The following EIF4G3 variants were observed in gnomAD, a reference collection of about 807,000 sequenced individuals.
EIF4G3 encodes eukaryotic translation initiation factor 4 gamma 3, also known as eIF-4-gamma 3.
A neutral mutation model predicts 186.4 loss-of-function variants in EIF4G3; 34 were observed. The ratio of observed to expected loss-of-function variants is 0.18; its 90% confidence interval spans 0.14 to 0.24. The LOEUF (loss-of-function observed/expected upper bound fraction) is 0.24, where lower values mean the gene tolerates loss of function less well. EIF4G3 is among the 10% of genes least tolerant of loss of function. EIF4G3 has a pLI of 1.00. For synonymous variants in EIF4G3, 673 were observed against 679.5 expected (o/e 0.99, Z 0.15); for missense variants, 1,536 against 1,948.5 (o/e 0.79, Z 3.99).
chr1:20,874,152 C>A (rs886806561), intron 20 of EIF4G3, among the ~76,000 whole-genome samples: 1 of 152,082 alleles, frequency 6.6e-6, no homozygotes. Context: ...AATAAACACA[C>A]GTGTGCATGT....
chr1:21,138,334 G>C (rs2097282269), intron 2 of EIF4G3, among the ~76,000 whole-genome samples: 2 of 152,140 alleles, frequency 1.3e-5, no homozygotes, highest in South Asian at 2.1e-4. Context: ...ATAGGTACAT[G>C]AATCACAATG....
At chr1:21,087,023 A>C (rs10753512) in intron 3 of EIF4G3, among the ~76,000 whole-genome samples, 143,540 of 151,942 alleles carry the variant, frequency 0.94, 68,307 homozygotes, top group Middle Eastern at 1. Flanking sequence ...TGTATATGTA[A>C]CTCTTGAAAG....
Position 20,857,450 on chromosome 1 carries a change from T to C in EIF4G3, c.3292A>G (p.Lys1098Glu). Residue 1098 changes from lysine to glutamate, a missense_variant, in exon 25 of 37, where the codon AAG becomes GAG. Around this residue, in one of 11 missense-constraint regions of EIF4G3, gnomAD observed 110 missense variants for 166.2 expected, o/e 0.66. Transcript: ENST00000602326. ...GAGGGGTCCAGTACCCGACTGTTCT[T>C]GGCCCCTTGTACAGTGTTCCACCCA... The part of the protein sequence containing the change: ...EGGWNTVQGA[K>E]NSRVLDPSKF... The C allele has an allele frequency of 9.3e-6, 15 of 1,614,126 alleles. No individual in the cohort carries two copies. Among genetic ancestry groups the C allele is most frequent in the Non-Finnish European group, 1.3e-5 (15 of 1,180,028 alleles).
intron 24 of EIF4G3, 116 bp from the exon 25 acceptor site, chr1:20,857,613 T>C (rs543148716): frequency 6.9e-6 from 6 of 874,706 alleles, no homozygotes; most frequent in African/African-American, 1.7e-5. Context: ...TGTTAAAGCA[T>C]TGATGACAAT....
chr1:20,874,103 G>C (rs532044089), intron 20 of EIF4G3, among the ~76,000 whole-genome samples: 2 of 152,114 alleles, frequency 1.3e-5, no homozygotes, highest in Non-Finnish European at 2.9e-5. Context: ...ATGGGCATTT[G>C]GGTTGGTTTC....
intron 3 of EIF4G3, among the ~76,000 whole-genome samples, chr1:21,053,397 G>A (rs1280455969): frequency 6.7e-5 from 10 of 150,360 alleles, no homozygotes; most frequent in East Asian, 4.1e-4. Context: ...CCGGACAGCC[G>A]CCCCGTCTGG....
intron 33 of EIF4G3, among the ~76,000 whole-genome samples, chr1:20,821,712 T>C (rs1447050061): frequency 2.0e-5 from 3 of 151,872 alleles, no homozygotes; most frequent in Admixed American, 2.0e-4. Flanking sequence ...TTCCCTATTA[T>C]GTATACTTCC....
chr1:20,937,973 G>C (rs1157033325), intron 14 of EIF4G3, among the ~76,000 whole-genome samples: 1 of 151,774 alleles, frequency 6.6e-6, no homozygotes, highest in African/African-American at 2.4e-5. Context: ...TACAGAGCTT[G>C]TTCTTCAATC....
chr1:21,105,752 A>C (rs1365696746), intron 2 of EIF4G3, among the ~76,000 whole-genome samples: 8 of 152,186 alleles, frequency 5.3e-5, no homozygotes, highest in Admixed American at 5.2e-4. Flanking sequence ...TTTAGGTGGG[A>C]AACAGCTGTG....
chr1:20,991,623 G>A (rs925083072), intron 7 of EIF4G3, among the ~76,000 whole-genome samples: 1 of 151,408 alleles, frequency 6.6e-6, no homozygotes, highest in Admixed American at 6.6e-5. Context: ...CACATTTAAA[G>A]TGCTCTATAG....
At chr1:20,994,628 CTTTT>C (rs3081939) in intron 7 of EIF4G3, among the ~76,000 whole-genome samples, 1 of 124,462 alleles carries the variant, frequency 8.0e-6, no homozygotes, top group Non-Finnish European at 1.6e-5. Flanking sequence ...AACATATATA[CTTTT>C]TTTTTTTTTT....
At chr1:21,109,513 C>G (rs975501996) in intron 2 of EIF4G3, among the ~76,000 whole-genome samples, 2 of 151,968 alleles carry the variant, frequency 1.3e-5, no homozygotes, top group South Asian at 2.1e-4. Flanking sequence ...GAAACAACAA[C>G]AAGAAGAAAA....
At chr1:20,809,619 T>C (rs1217861293) in intron 36 of EIF4G3, among the ~76,000 whole-genome samples, 2 of 152,326 alleles carry the variant, frequency 1.3e-5, no homozygotes, top group African/African-American at 2.4e-5. Context: ...TTAGTAAATA[T>C]AGCATGGTAA....
chr1:20,829,108 T>C lies in EIF4G3; in HGVS notation c.4187+39A>G, dbSNP rs367717366. The C allele has an allele frequency of 3.1e-6, 5 of 1,607,706 alleles. No homozygotes were observed. In the African/African-American group the frequency reaches 6.7e-5, roughly 22 times the overall value. The stretch of plus-strand genomic sequence containing the variant: ...GCTAGCAAGTGAGTTATTAGTCAGT[T>C]CTACCTGATATATATCAAGAGAAAC... On this transcript the variant is annotated intron_variant, in intron 31 of 36. Transcript: ENST00000602326.
intron 2 of EIF4G3, among the ~76,000 whole-genome samples, chr1:21,118,933 A>T (rs1183438441): frequency 1.1e-4 from 1 of 9,164 alleles, no homozygotes; most frequent in Non-Finnish European, 1.0e-3. Flanking sequence ...AGCTCTATTA[A>T]AAAAAAAAAA....
Position 20,899,636 on chromosome 1 carries a change from A to T in EIF4G3, c.1999+61T>A. 7 of 1,574,342 alleles carry T rather than the reference A, an allele frequency of 4.4e-6. No individual in the cohort carries two copies. In the South Asian group the frequency reaches 8.1e-5, roughly 18 times the overall value. ...CAGTATCTCTCTAAAAAGAGGCAAC[A>T]TTTCTCTAAGGTTGCAGTAGAGGGA... is the stretch of plus-strand genomic sequence containing the variant. On this transcript the variant is annotated intron_variant, in intron 16 of 36. Transcript: ENST00000602326.
intron 2 of EIF4G3, among the ~76,000 whole-genome samples, chr1:21,167,798 T>C (rs571832778): frequency 1.8e-4 from 28 of 152,218 alleles, no homozygotes; most frequent in Admixed American, 4.6e-4. Flanking sequence ...CAGCCTTTTT[T>C]AAAAACTTAG....
chr1:20,911,253 A>G (rs938954839), intron 14 of EIF4G3, among the ~76,000 whole-genome samples: 1 of 152,168 alleles, frequency 6.6e-6, no homozygotes, highest in Admixed American at 6.5e-5. Context: ...CAAAAATAGC[A>G]TCATTCCACG....
chr1:21,018,561 TAA>T (rs34620306), intron 4 of EIF4G3, among the ~76,000 whole-genome samples: 5 of 142,546 alleles, frequency 3.5e-5, no homozygotes, highest in Admixed American at 7.0e-5. Flanking sequence ...CTCCTTCTCT[TAA>T]AAAAAAAAAA....
Sources: gnomAD v4.1 joint callset for allele counts (sites outside exome capture counted in the v4.1 genomes callset) on GRCh38, gnomAD v4.1.1 for gene constraint, gnomAD v4.1.1 regional missense constraint, MANE v1.5 for transcripts, NCBI Gene and HGNC (gene_info 2026-07-23, HGNC 2026-07-21) for gene names.